KLF8: variants seen among roughly 807,000 people sequenced by gnomAD.
The protein encoded by KLF8 is KLF transcription factor 8, also known as Krueppel-like factor 8.
KLF8 carries 10 observed loss-of-function variants against 18.2 expected under a neutral mutation model. The ratio of observed to expected loss-of-function variants is 0.55; its 90% confidence interval spans 0.34 to 0.93. KLF8 has a LOEUF of 0.93. KLF8 is among the 40% of genes least tolerant of loss of function. KLF8 has a pLI of 0.02. For missense variants in KLF8, 264 were observed against 277.9 expected (o/e 0.95, Z 0.36); for synonymous variants, 109 against 97.3 (o/e 1.12, Z -0.71).
At chrX:56,062,306 T>G in the KLF8 span, among the ~76,000 whole-genome samples, 1 of 111,091 alleles carries the variant, frequency 9.0e-6, no homozygotes, top group African/African-American at 3.3e-5. Context: ...GGTACCTTGT[T>G]TTTTGTTTGT....
chrX:56,011,335 C>A, the KLF8 span, among the ~76,000 whole-genome samples: 1 of 112,215 alleles, frequency 8.9e-6, no homozygotes, highest in Non-Finnish European at 1.9e-5. Context: ...AACCACACAA[C>A]TACTTGGAAA....
chrX:56,043,159 C>T, the KLF8 span, among the ~76,000 whole-genome samples: 1 of 110,926 alleles, frequency 9.0e-6, no homozygotes. Context: ...TCTTTTCCAG[C>T]TTGTAGGGTT....
the KLF8 span, among the ~76,000 whole-genome samples, chrX:55,942,307 A>T: frequency 1.8e-5 from 2 of 110,129 alleles, no homozygotes; most frequent in African/African-American, 6.6e-5. Flanking sequence ...CATAGGTGGG[A>T]ATTGATCAAT....
the KLF8 span, among the ~76,000 whole-genome samples, chrX:56,102,032 G>A: frequency 4.5e-5 from 5 of 111,116 alleles, no homozygotes; most frequent in Non-Finnish European, 9.5e-5. Flanking sequence ...CCTGAGACTG[G>A]TATAAAGAAG....
At chrX:56,091,056 T>G in the KLF8 span, among the ~76,000 whole-genome samples, 1 of 111,770 alleles carries the variant, frequency 8.9e-6, no homozygotes, top group Non-Finnish European at 1.9e-5. Context: ...ATGACTTTGC[T>G]ATTGTGAATA....
At chrX:56,007,817 T>A in the KLF8 span, among the ~76,000 whole-genome samples, 1 of 111,554 alleles carries the variant, frequency 9.0e-6, no homozygotes, top group African/African-American at 3.3e-5. Flanking sequence ...AAGTTTGTGA[T>A]AGAATAATGT....
At chrX:56,266,276 C>T (rs1479412755) in intron 3 of KLF8, 2 of 749,930 alleles carry the variant, frequency 2.7e-6, no homozygotes, top group African/African-American at 4.6e-5. Flanking sequence ...CTTTTCTCTT[C>T]CCTACAAAAG....
At chrX:56,068,174 A>G in the KLF8 span, among the ~76,000 whole-genome samples, 1 of 112,044 alleles carries the variant, frequency 8.9e-6, no homozygotes, top group Admixed American at 9.4e-5. Context: ...AATGCTTGCT[A>G]GAGCTTCTGG....
the KLF8 span, among the ~76,000 whole-genome samples, chrX:56,193,432 T>C: frequency 0.033 from 3,642 of 111,203 alleles, 161 homozygotes; most frequent in African/African-American, 0.11. Flanking sequence ...AAAATAAAAA[T>C]AGTGTTGCCA....
chrX:56,090,409 C>A, the KLF8 span, among the ~76,000 whole-genome samples: 1 of 111,529 alleles, frequency 9.0e-6, no homozygotes, highest in Non-Finnish European at 1.9e-5. Flanking sequence ...ACAAAACATG[C>A]AATACGAAGA....
intron 2 of KLF8, among the ~76,000 whole-genome samples, chrX:56,253,764 C>CTTTTCTT (rs1555930255): frequency 3.3e-5 from 2 of 60,115 alleles, no homozygotes; most frequent in African/African-American, 1.4e-4. Context: ...TTTTCTTTTT[C>CTTTTCTT]TTTTTTTTTT....
At chrX:56,278,572 G>A (rs1355342158) in intron 5 of KLF8, among the ~76,000 whole-genome samples, 1 of 111,324 alleles carries the variant, frequency 9.0e-6, no homozygotes, top group Non-Finnish European at 1.9e-5. Flanking sequence ...TCCTCAAGTG[G>A]AAGGAAGGGG....
chrX:55,989,237 G>C, the KLF8 span, among the ~76,000 whole-genome samples: 1 of 111,690 alleles, frequency 9.0e-6, no homozygotes, highest in Non-Finnish European at 1.9e-5. Flanking sequence ...TTCCAACACT[G>C]TGTTGAATAG....
chrX:56,255,272 G>A (rs59936209), intron 2 of KLF8, among the ~76,000 whole-genome samples: 1,397 of 112,644 alleles, frequency 0.012, 17 homozygotes, highest in African/African-American at 0.043. Context: ...CTATACTGCA[G>A]CTTTACTGAA....
chrX:56,284,271 CCT>C, intron 5 of KLF8, 40 bp from the exon 6 acceptor site: 1 of 980,140 alleles, frequency 1.0e-6, no homozygotes, highest in Non-Finnish European at 1.4e-6. Flanking sequence ...ATCCGATCAT[CCT>C]CTCTCTGATT....
the KLF8 span, among the ~76,000 whole-genome samples, chrX:56,020,140 C>T: frequency 6.3e-5 from 7 of 111,374 alleles, no homozygotes; most frequent in African/African-American, 2.3e-4. Flanking sequence ...TCTACATACA[C>T]CAAATATGAA....
chrX:56,053,557 T>TTTTTTTTG, the KLF8 span, among the ~76,000 whole-genome samples: 9 of 105,947 alleles, frequency 8.5e-5, no homozygotes, highest in East Asian at 1.5e-3. Flanking sequence ...TTTTTTTTTT[T>TTTTTTTTG]GGGGAATAGT....
At chrX:56,077,997 C>CGTTTGTCTGTTATTGGTGTA in the KLF8 span, among the ~76,000 whole-genome samples, 1 of 111,991 alleles carries the variant, frequency 8.9e-6, no homozygotes, top group African/African-American at 3.2e-5. Context: ...CTTTCGTATC[C>CGTTTGTCTGTTATTGGTGTA]TGAGACTTTG....
the KLF8 span, among the ~76,000 whole-genome samples, chrX:56,139,592 T>C: frequency 9.0e-6 from 1 of 111,562 alleles, no homozygotes; most frequent in East Asian, 2.8e-4. Flanking sequence ...TGATTGAAAT[T>C]GGACCTCTTC....
Sources: gnomAD v4.1 joint callset for allele counts (sites outside exome capture counted in the v4.1 genomes callset) on GRCh38, gnomAD v4.1.1 for gene constraint, MANE v1.5 for transcripts, NCBI Gene and HGNC (gene_info 2026-07-23, HGNC 2026-07-21) for gene names.